The following FAM107B variants were observed in gnomAD, a reference collection of about 807,000 sequenced individuals.
FAM107B encodes protein FAM107B.
FAM107B carries 21 observed loss-of-function variants against 31.5 expected under a neutral mutation model. The observed-to-expected ratio is 0.67, with a 90% CI of 0.47 to 0.96. The LOEUF (loss-of-function observed/expected upper bound fraction) is 0.96. Among genes scored for constraint, FAM107B ranks in the 40% least tolerant of loss-of-function variants. The pLI, the probability that FAM107B is intolerant of heterozygous loss-of-function variation, is 0.00. For synonymous variants in FAM107B, 157 were observed against 141.5 expected (o/e 1.11, Z -0.78); for missense variants, 452 against 377.1 (o/e 1.20, Z -1.64).
In FAM107B at chr10:14,774,255, T is replaced by C; in HGVS notation, c.409A>G (p.Lys137Glu). ...TCGCAGAGCGAACACTCACTCACCT[T>C]GGGCGTGTCAATAATTGATGGTCTG... ...IPRPSIIDTP[K>E]EEEFREEPKC... Residue 137 changes from lysine to glutamate, a missense_variant and splice_region_variant, in exon 1 of 5, where the codon AAG (lysine) becomes GAG (glutamate). Coordinates refer to ENST00000181796, the MANE Select transcript of FAM107B (RefSeq NM_031453.4). 1 of 1,607,280 alleles carries C rather than the reference T, an allele frequency of 6.2e-7. No homozygotes were observed. Among genetic ancestry groups the C allele is most frequent in the South Asian group, 1.1e-5 (1 of 90,366 alleles).
intron 1 of FAM107B, among the ~76,000 whole-genome samples, chr10:14,752,984 A>G (rs1832859898): frequency 6.6e-6 from 1 of 152,182 alleles, no homozygotes; most frequent in African/African-American, 2.4e-5. Flanking sequence ...AGCACATTGT[A>G]TAAGAGAAAT....
At chr10:14,773,364 G>T in intron 1 of FAM107B, among the ~76,000 whole-genome samples, 1 of 152,300 alleles carries the variant, frequency 6.6e-6, no homozygotes, top group Admixed American at 6.5e-5. Context: ...GTGGAAAAAT[G>T]ATTTAAAAAA....
chr10:14,756,242 A>C (rs1428661943), intron 1 of FAM107B, among the ~76,000 whole-genome samples: 6 of 152,146 alleles, frequency 3.9e-5, no homozygotes, highest in Non-Finnish European at 8.8e-5. Context: ...TTATTCTACA[A>C]ATTGATGAAA....
At chr10:14,702,896 T>C (rs1355886182) in intron 1 of FAM107B, among the ~76,000 whole-genome samples, 2 of 152,098 alleles carry the variant, frequency 1.3e-5, no homozygotes, top group Admixed American at 1.3e-4. Context: ...TTCCTCTCCC[T>C]GTTGTCTCAT....
Position 14,697,761 on chromosome 10 carries a change from G to A in FAM107B, c.412-30070C>T, listed in dbSNP as rs181101764. Among the ~76,000 whole-genome samples, 461 of 152,280 alleles carry A rather than the reference G, an allele frequency of 3.0e-3. 3 individuals carry two copies. Among genetic ancestry groups the A allele is most frequent in the Non-Finnish European group, 2.9e-3 (200 of 68,028 alleles). On this transcript the variant is annotated intron_variant, in intron 1 of 4. Transcript: ENST00000181796. ...CTACCTAGACTGTTTCTACAATGTT[G>A]TACCTTTATTGCTGTGAGGCCACTT...
chr10:14,700,950 G>A (rs1450767264), intron 1 of FAM107B, among the ~76,000 whole-genome samples: 2 of 151,206 alleles, frequency 1.3e-5, no homozygotes, highest in East Asian at 1.9e-4. Context: ...CTGGGGTGCT[G>A]TAATCCAGCA....
At chr10:14,697,513 C>T (rs930697431) in intron 1 of FAM107B, among the ~76,000 whole-genome samples, 6 of 152,192 alleles carry the variant, frequency 3.9e-5, no homozygotes, top group African/African-American at 1.4e-4. Context: ...CTACTGTGTT[C>T]CAGAATCTGT....
At chr10:14,758,873 G>GAAA (rs57967855) in intron 1 of FAM107B, among the ~76,000 whole-genome samples, 1,535 of 38,962 alleles carry the variant, frequency 0.039, 86 homozygotes, top group South Asian at 0.075. Flanking sequence ...GACCCTCTCA[G>GAAA]AAAAAAAAAA....
intron 3 of FAM107B, among the ~76,000 whole-genome samples, chr10:14,525,517 G>C (rs992410843): frequency 2.0e-5 from 3 of 152,120 alleles, no homozygotes; most frequent in African/African-American, 7.2e-5. Context: ...TGTTCTATGT[G>C]AACAGTGGCC....
chr10:14,751,179 C>T (rs553143637), intron 1 of FAM107B, among the ~76,000 whole-genome samples: 16 of 152,270 alleles, frequency 1.1e-4, no homozygotes, highest in Admixed American at 5.2e-4. Flanking sequence ...AGGGGAGCGG[C>T]GGAATCCAGA....
At chr10:14,650,289 A>AT (rs933061977) in intron 2 of FAM107B, among the ~76,000 whole-genome samples, 37 of 149,210 alleles carry the variant, frequency 2.5e-4, no homozygotes, top group South Asian at 4.3e-4. Flanking sequence ...CTTAACTCTG[A>AT]TTTTTTTTTT....
chr10:14,696,193 T>C (rs1216115795), intron 1 of FAM107B, among the ~76,000 whole-genome samples: 2 of 152,248 alleles, frequency 1.3e-5, no homozygotes, highest in Non-Finnish European at 2.9e-5. Flanking sequence ...CAAGAAAGAA[T>C]GTTGAGCATT....
chr10:14,689,786 G>T (rs555849581), intron 1 of FAM107B, among the ~76,000 whole-genome samples: 1 of 151,994 alleles, frequency 6.6e-6, no homozygotes, highest in South Asian at 2.1e-4. Flanking sequence ...TATAGCAAGA[G>T]CCCATCTCTA....
intron 2 of FAM107B, among the ~76,000 whole-genome samples, chr10:14,574,290 T>C (rs1851396869): frequency 6.6e-6 from 1 of 152,236 alleles, no homozygotes; most frequent in Non-Finnish European, 1.5e-5. Flanking sequence ...CATCACAATA[T>C]GTATGCACGG....
intron 2 of FAM107B, chr10:14,555,799 C>T (rs1326168733): frequency 1.3e-5 from 2 of 152,274 alleles, no homozygotes; most frequent in Admixed American, 6.5e-5. Context: ...AAGTTTACCC[C>T]TCAGCATCAA....
At chr10:14,685,155 T>A (rs1313568977) in intron 1 of FAM107B, among the ~76,000 whole-genome samples, 38 of 149,174 alleles carry the variant, frequency 2.5e-4, no homozygotes, top group Admixed American at 6.0e-4. Context: ...TTTTTTTTTT[T>A]TTTTTTTTTT....
rs116824489 is a variant in FAM107B, at chr10:14,673,821, A to G, written c.412-6130T>C. Among the ~76,000 whole-genome samples, 517 of 152,036 alleles carry G rather than the reference A, an allele frequency of 3.4e-3. 4 individuals carry two copies. The highest frequency in any genetic ancestry group is 9.2e-3 in the African/African-American group (383 of 41,470). On this transcript the variant is annotated intron_variant, in intron 1 of 4. Transcript: ENST00000181796. ...TAATCGCCATTTGAACTGGGGTGAG[A>G]TGATATCTCATTTTGGTTTTGATTT...
intron 3 of FAM107B, among the ~76,000 whole-genome samples, chr10:14,528,906 T>C (rs534603454): frequency 2.0e-4 from 31 of 152,338 alleles, no homozygotes; most frequent in African/African-American, 7.5e-4. Context: ...TGACCTTTAT[T>C]CTGACTTGGA....
At chr10:14,563,733 A>G (rs1850431225) in intron 2 of FAM107B, among the ~76,000 whole-genome samples, 1 of 152,224 alleles carries the variant, frequency 6.6e-6, no homozygotes, top group South Asian at 2.1e-4. Context: ...CCAATGATGT[A>G]ACTGTGTGAA....
Sources: allele counts gnomAD v4.1 joint callset (sites outside exome capture counted in the v4.1 genomes callset), GRCh38; gene constraint gnomAD v4.1.1; transcripts MANE v1.5; gene names NCBI Gene and HGNC (gene_info 2026-07-23, HGNC 2026-07-21).